DEPTOR: variants seen among roughly 807,000 people sequenced by gnomAD.
DEPTOR encodes DEP domain-containing mTOR-interacting protein.
Under a neutral mutation model 41.6 loss-of-function variants are expected in DEPTOR, and 41 were observed. The ratio of observed to expected loss-of-function variants is 0.98; its 90% CI spans 0.77 to 1.28. DEPTOR has a LOEUF of 1.28. Ranked by LOEUF, DEPTOR falls within the 50% of genes most tolerant of loss-of-function variation. The pLI is 0.00. For synonymous variants in DEPTOR, 195 were observed against 192.3 expected, an observed-to-expected ratio of 1.01 and a Z score of -0.12; for missense variants, 514 against 527.9, an observed-to-expected ratio of 0.97 and a Z score of 0.26.
In DEPTOR at chr8:119,878,886, G is replaced by A. The variant is rs1430871549; in HGVS notation, c.122+4918G>A. 4.6e-5 allele frequency among the ~76,000 whole-genome samples: 7 copies of A among 151,762 alleles called. No homozygotes were observed. In the South Asian group the frequency reaches 6.3e-4, roughly 14 times the overall value. ...AGCACTTTGGGAGGCTGAGGCGGGC[G>A]GATCACCTGAGATCGGGAGTTCAAG... On this transcript the variant is annotated intron_variant, in intron 1 of 8. Transcript: ENST00000286234.
At chr8:120,041,787 C>T (rs1336966197) in intron 8 of DEPTOR, among the ~76,000 whole-genome samples, 1 of 152,114 alleles carries the variant, frequency 6.6e-6, no homozygotes, top group Non-Finnish European at 1.5e-5. Context: ...ATCCACCCAC[C>T]TCGCCTCCCA....
intron 3 of DEPTOR, among the ~76,000 whole-genome samples, chr8:119,956,351 G>A (rs1828416469): frequency 6.6e-6 from 1 of 152,218 alleles, no homozygotes; most frequent in Non-Finnish European, 1.5e-5. Flanking sequence ...GGCTGGTGGA[G>A]CATGTTGTAA....
chr8:119,927,708 A>G (rs1055720300), intron 1 of DEPTOR, among the ~76,000 whole-genome samples: 3 of 151,782 alleles, frequency 2.0e-5, no homozygotes, highest in East Asian at 1.9e-4. Context: ...TCCCAGGTTC[A>G]AGCGATTCTC....
intron 3 of DEPTOR, among the ~76,000 whole-genome samples, chr8:119,941,034 G>T (rs1026545364): frequency 2.0e-5 from 3 of 152,046 alleles, no homozygotes; most frequent in Non-Finnish European, 2.9e-5. Context: ...TGGTGCTGAT[G>T]GTTGTACACT....
chr8:119,899,649 A>G (rs1280721810), intron 1 of DEPTOR, among the ~76,000 whole-genome samples: 1 of 152,222 alleles, frequency 6.6e-6, no homozygotes, highest in Non-Finnish European at 1.5e-5. Context: ...TTATGAGACA[A>G]CCATAATTTG....
chr8:119,879,416 TA>T lies in DEPTOR; in HGVS notation c.122+5450del, dbSNP rs559925765. 3.3e-3 allele frequency among the ~76,000 whole-genome samples: 495 copies of T among 152,242 alleles called. 2 individuals are homozygous for T. The highest frequency in any genetic ancestry group is 6.1e-3 in the Non-Finnish European group (413 of 67,996). ...ATGTTCATAGCAGTACTATTCATAA[TA>T]ATCAAAAACAGGGCTGAGTGCAGTG... is the stretch of plus-strand genomic sequence containing the variant. On this transcript the variant is annotated intron_variant, in intron 1 of 8. Coordinates refer to ENST00000286234, the MANE Select transcript of DEPTOR (RefSeq NM_022783.4).
intron 4 of DEPTOR, among the ~76,000 whole-genome samples, chr8:119,998,111 T>G (rs926563075): frequency 5.3e-5 from 8 of 152,162 alleles, no homozygotes; most frequent in Non-Finnish European, 1.2e-4. Flanking sequence ...AAAAAAATAG[T>G]GGAGTCTTGC....
chr8:120,049,471 T>C, intron 8 of DEPTOR, 105 bp from the exon 9 acceptor site: 3 of 1,346,272 alleles, frequency 2.2e-6, no homozygotes, highest in Non-Finnish European at 2.0e-6. Context: ...CATTTGGATA[T>C]TTTAAGAATG....
rs148486851 is a variant in DEPTOR, at chr8:119,890,909, G to A, written c.122+16941G>A. On this transcript the variant is annotated intron_variant, in intron 1 of 8. Coordinates refer to ENST00000286234, the MANE Select transcript of DEPTOR (RefSeq NM_022783.4). The stretch of plus-strand genomic sequence containing the variant: ...AGTAAGGCTTATTCTGTTTGCCTTC[G>A]GGTCACAGTCTAAGCAGGATGGGAA... Among the ~76,000 whole-genome samples the A allele has an allele frequency of 5.7e-3, 861 of 152,146 alleles. 7 individuals carry two copies. Among genetic ancestry groups the A allele is most frequent in the African/African-American group, 0.02 (824 of 41,502 alleles).
intron 3 of DEPTOR, among the ~76,000 whole-genome samples, chr8:119,941,411 A>T (rs1481554763): frequency 6.6e-6 from 1 of 151,694 alleles, no homozygotes; most frequent in African/African-American, 2.4e-5. Context: ...TAGAATGGTA[A>T]ATTTTATGTT....
chr8:119,973,795 A>G (rs1417087869), intron 4 of DEPTOR, among the ~76,000 whole-genome samples: 1 of 152,224 alleles, frequency 6.6e-6, no homozygotes, highest in Non-Finnish European at 1.5e-5. Flanking sequence ...TGTTTTAAAC[A>G]TATATTTATA....
chr8:119,873,836 G>GA lies in DEPTOR; in HGVS notation c.-11_-10insA. The GA allele has an allele frequency of 6.2e-7, 1 of 1,612,220 alleles. No homozygotes were observed. Among genetic ancestry groups the GA allele is most frequent in the Non-Finnish European group, 8.5e-7 (1 of 1,179,328 alleles). ...CAGCGGAGCCAGTGGTAGCCGCACG[G>GA]CCCTAAAACCATGGAGGAGGGCGGC... On this transcript the variant is annotated 5_prime_UTR_variant, in exon 1 of 9. Transcript: ENST00000286234.
chr8:119,878,949 A>G (rs752132877), intron 1 of DEPTOR, among the ~76,000 whole-genome samples: 31 of 151,710 alleles, frequency 2.0e-4, no homozygotes, highest in Non-Finnish European at 3.4e-4. Flanking sequence ...CATCTCTACT[A>G]AAAATACAAA....
At chr8:119,940,897 A>C (rs1828194431) in intron 3 of DEPTOR, among the ~76,000 whole-genome samples, 1 of 152,172 alleles carries the variant, frequency 6.6e-6, no homozygotes, top group Non-Finnish European at 1.5e-5. Flanking sequence ...CACCTAGAAC[A>C]GTTAATTCAT....
At chr8:119,982,996 A>G (rs1465378230) in intron 4 of DEPTOR, among the ~76,000 whole-genome samples, 2 of 152,246 alleles carry the variant, frequency 1.3e-5, no homozygotes, top group Non-Finnish European at 2.9e-5. Context: ...ACTGTCAGCT[A>G]CAAGGACAAA....
At chr8:120,024,343 T>A (rs1421823162) in intron 8 of DEPTOR, among the ~76,000 whole-genome samples, 3 of 152,040 alleles carry the variant, frequency 2.0e-5, no homozygotes, top group African/African-American at 7.2e-5. Context: ...TGTACTTAGG[T>A]GTGAGGGAAT....
intron 4 of DEPTOR, among the ~76,000 whole-genome samples, chr8:119,996,067 A>C (rs1019662080): frequency 6.6e-6 from 1 of 152,202 alleles, no homozygotes; most frequent in Non-Finnish European, 1.5e-5. Flanking sequence ...GATACATACA[A>C]TTGTCACTTT....
intron 8 of DEPTOR, among the ~76,000 whole-genome samples, chr8:120,021,853 C>T (rs755920573): frequency 6.6e-6 from 1 of 152,110 alleles, no homozygotes; most frequent in Non-Finnish European, 1.5e-5. Flanking sequence ...ATACAAGATG[C>T]ATGGATTGTG....
chr8:119,913,324 G>T (rs1164101590), intron 1 of DEPTOR, among the ~76,000 whole-genome samples: 3 of 152,170 alleles, frequency 2.0e-5, no homozygotes, highest in African/African-American at 7.2e-5. Flanking sequence ...ACAAAAGAGA[G>T]GTTCACATTT....
Sources: gnomAD v4.1 joint callset for allele counts (sites outside exome capture counted in the v4.1 genomes callset) on GRCh38, gnomAD v4.1.1 for gene constraint, MANE v1.5 for transcripts, NCBI Gene and HGNC (gene_info 2026-07-23, HGNC 2026-07-21) for gene names.